Variants in ST6GALNAC3 observed in about 807,000 individuals in gnomAD.
ST6GALNAC3 encodes the protein alpha-N-acetylgalactosaminide alpha-2,6-sialyltransferase 3.
Under a neutral mutation model 32.7 loss-of-function variants are expected in ST6GALNAC3, and 25 were observed. That is an observed-to-expected ratio of 0.76 (90% confidence interval 0.56 to 1.07). The LOEUF (loss-of-function observed/expected upper bound fraction) is 1.07. Ranked by LOEUF, ST6GALNAC3 falls within the 50% of genes least tolerant of loss-of-function variation. The pLI is 0.00. For synonymous variants in ST6GALNAC3, 129 were observed against 133.1 expected, an observed-to-expected ratio of 0.97 and a Z score of 0.21; for missense variants, 355 against 382.4, an observed-to-expected ratio of 0.93 and a Z score of 0.60.
At chr1:76,602,506 T>C (rs1647280831) in intron 3 of ST6GALNAC3, among the ~76,000 whole-genome samples, 1 of 152,124 alleles carries the variant, frequency 6.6e-6, no homozygotes. Flanking sequence ...TTGTTTGTAA[T>C]TTGTTAGTAC....
In ST6GALNAC3 at chr1:76,630,694, G is replaced by C; in HGVS notation, c.*1888G>C. 1 of 985,542 alleles carries C rather than the reference G, an allele frequency of 1.0e-6. No homozygotes were observed. The highest frequency in any genetic ancestry group is 1.2e-6 in the Non-Finnish European group (1 of 829,822). 61.0% of individuals were successfully genotyped at this position (985,542 alleles called of 1,614,324 possible). A position where few individuals can be genotyped will look rare whatever the true frequency, so the allele number is the denominator to read the frequency against. On this transcript the variant is annotated 3_prime_UTR_variant, in exon 5 of 5. Coordinates refer to ENST00000328299, the MANE Select transcript of ST6GALNAC3 (RefSeq NM_152996.4). ...AAAGGCCTTTTGCCTACTCTCTTCTGCAATTTTGACACCTCAATATTCACA... is the reference window on the plus strand; with the variant it reads ...AAAGGCCTTTTGCCTACTCTCTTCTCCAATTTTGACACCTCAATATTCACA...
chr1:76,246,836 G>A (rs777822594), intron 1 of ST6GALNAC3, among the ~76,000 whole-genome samples: 5 of 152,150 alleles, frequency 3.3e-5, no homozygotes, highest in Admixed American at 2.0e-4. Context: ...GTCCAGTTTT[G>A]TACCCTTGCT....
chr1:76,404,405 C>G (rs1029572366), intron 2 of ST6GALNAC3, among the ~76,000 whole-genome samples: 3 of 152,018 alleles, frequency 2.0e-5, no homozygotes, highest in African/African-American at 7.2e-5. Context: ...CTGAAAGTGA[C>G]TCAGTGTAGA....
intron 1 of ST6GALNAC3, among the ~76,000 whole-genome samples, chr1:76,214,393 C>G (rs1375867659): frequency 6.6e-6 from 1 of 151,804 alleles, no homozygotes; most frequent in African/African-American, 2.4e-5. Context: ...CTCAAAGCAA[C>G]CTCTTGAAAA....
intron 1 of ST6GALNAC3, among the ~76,000 whole-genome samples, chr1:76,241,880 A>G (rs1656986802): frequency 6.6e-6 from 1 of 152,200 alleles, no homozygotes; most frequent in East Asian, 1.9e-4. Flanking sequence ...GACTCACATT[A>G]CATTTCTATT....
chr1:76,621,393 A>G (rs1017798630), intron 3 of ST6GALNAC3, among the ~76,000 whole-genome samples: 6 of 152,002 alleles, frequency 3.9e-5, no homozygotes, highest in Admixed American at 6.6e-5. Flanking sequence ...TATTTATTTG[A>G]AAAGTTTATG....
At chr1:76,399,080 C>A (rs947410686) in intron 2 of ST6GALNAC3, among the ~76,000 whole-genome samples, 1 of 151,964 alleles carries the variant, frequency 6.6e-6, no homozygotes, top group Non-Finnish European at 1.5e-5. Flanking sequence ...ATTTTATTAT[C>A]TATATATAGG....
chr1:76,524,615 G>A (rs545887251), intron 3 of ST6GALNAC3, among the ~76,000 whole-genome samples: 21 of 152,012 alleles, frequency 1.4e-4, no homozygotes, highest in African/African-American at 4.8e-4. Flanking sequence ...GAAGTTCAGA[G>A]TCAGTGGCTT....
At chr1:76,489,485 C>T (rs549840825) in intron 3 of ST6GALNAC3, among the ~76,000 whole-genome samples, 41 of 151,962 alleles carry the variant, frequency 2.7e-4, no homozygotes, top group Admixed American at 6.6e-4. Flanking sequence ...TCTCTCTTCC[C>T]CTCTTTCTCT....
chr1:76,628,840 T>G lies in ST6GALNAC3; in HGVS notation c.*34T>G, dbSNP rs757469003. ...TTCCTGATCTTGCCGCATCACTTAATGTGATCCCCATACTGCAACTGTGAT... is the reference window on the plus strand; with the variant it reads ...TTCCTGATCTTGCCGCATCACTTAAGGTGATCCCCATACTGCAACTGTGAT... On this transcript the variant is annotated 3_prime_UTR_variant, in exon 5 of 5. Transcript: ENST00000328299. 6.2e-7 allele frequency: 1 copy of G among 1,604,874 alleles called. No individual in the cohort carries two copies. Among genetic ancestry groups the G allele is most frequent in the East Asian group, 2.2e-5 (1 of 44,778 alleles).
At chr1:76,296,171 C>A (rs2100833125) in intron 1 of ST6GALNAC3, among the ~76,000 whole-genome samples, 1 of 152,134 alleles carries the variant, frequency 6.6e-6, no homozygotes, top group African/African-American at 2.4e-5. Context: ...AAACTGGTTT[C>A]TTTAACATCC....
intron 3 of ST6GALNAC3, among the ~76,000 whole-genome samples, chr1:76,605,755 C>T (rs1647492868): frequency 6.9e-6 from 1 of 145,438 alleles, no homozygotes; most frequent in Admixed American, 7.1e-5. Flanking sequence ...ATTCCAGCTA[C>T]TTAGGAGGCT....
At chr1:76,328,221 C>T (rs1048891921) in intron 2 of ST6GALNAC3, among the ~76,000 whole-genome samples, 1 of 152,168 alleles carries the variant, frequency 6.6e-6, no homozygotes, top group African/African-American at 2.4e-5. Context: ...ACTGGCCTTA[C>T]TTCCTTTGCT....
chr1:76,092,049 G>C (rs1647054033), intron 1 of ST6GALNAC3, among the ~76,000 whole-genome samples: 1 of 152,202 alleles, frequency 6.6e-6, no homozygotes, highest in Non-Finnish European at 1.5e-5. Flanking sequence ...AGTTTTGACT[G>C]ATGTCAACCT....
At chr1:76,605,348 G>C (rs1186741631) in intron 3 of ST6GALNAC3, among the ~76,000 whole-genome samples, 4 of 152,114 alleles carry the variant, frequency 2.6e-5, no homozygotes, top group African/African-American at 9.7e-5. Flanking sequence ...ATTGACTACA[G>C]AAAGTCTTGA....
intron 3 of ST6GALNAC3, among the ~76,000 whole-genome samples, chr1:76,528,630 G>A (rs1004171398): frequency 6.6e-6 from 1 of 151,400 alleles, no homozygotes; most frequent in African/African-American, 2.4e-5. Context: ...TTTGTGGCTC[G>A]AAAGCATCTT....
rs1649222215 is a variant in ST6GALNAC3 at position 76,630,242 on chromosome 1, A to T, written c.*1436A>T. On this transcript the variant is annotated 3_prime_UTR_variant, in exon 5 of 5. Coordinates refer to ENST00000328299, the MANE Select transcript of ST6GALNAC3 (RefSeq NM_152996.4). ...CAAATACATTATATCAGGATTACAC[A>T]AAAAGTATCACAAAGGATGGTCTTG... The T allele has an allele frequency of 1.0e-6, 1 of 985,132 alleles. No individual in the cohort carries two copies. Among genetic ancestry groups the T allele is most frequent in the Non-Finnish European group, 1.2e-6 (1 of 829,842 alleles). The allele number at this position is 985,132 out of a possible 1,614,324, so 61.0% of individuals were successfully genotyped here. A position where few individuals can be genotyped will look rare whatever the true frequency, so the allele number is the denominator to read the frequency against.
At chr1:76,114,174 T>C (rs1648297309) in intron 1 of ST6GALNAC3, among the ~76,000 whole-genome samples, 1 of 152,064 alleles carries the variant, frequency 6.6e-6, no homozygotes, top group Non-Finnish European at 1.5e-5. Context: ...TAAAACAGCA[T>C]GCATTACCTA....
In ST6GALNAC3 at chr1:76,634,292, G is replaced by A. The variant is rs1557645216; in HGVS notation, c.*5486G>A. On this transcript the variant is annotated 3_prime_UTR_variant, in exon 5 of 5. Coordinates refer to ENST00000328299, the MANE Select transcript of ST6GALNAC3 (RefSeq NM_152996.4). ...TAAGAAACTTCAAAAAGATCAAAAC[G>A]AGGCAATTTTATAGCTTTTTGTTAC... 1.7e-5 allele frequency: 8 copies of A among 468,350 alleles called. No individual in the cohort carries two copies. The highest frequency in any genetic ancestry group is 2.2e-5 in the Non-Finnish European group (8 of 357,620). 29.0% of individuals were successfully genotyped at this position (468,350 alleles called of 1,614,324 possible).
Sources: allele counts gnomAD v4.1 joint callset (sites outside exome capture counted in the v4.1 genomes callset), GRCh38; gene constraint gnomAD v4.1.1; transcripts MANE v1.5; gene names NCBI Gene and HGNC (gene_info 2026-07-23, HGNC 2026-07-21).